USH2A: variants seen among roughly 807,000 people sequenced by gnomAD.
USH2A encodes the protein Usher syndrome 2A (autosomal recessive, mild).
In USH2A, 443 loss-of-function variants were observed where a neutral mutation model predicts 538.9. That is an observed-to-expected ratio of 0.82 (90% CI 0.76 to 0.89). The LOEUF (loss-of-function observed/expected upper bound fraction) is 0.89. Ranked by LOEUF, USH2A falls within the 40% of genes least tolerant of loss-of-function variation. The pLI, the probability that USH2A is intolerant of heterozygous loss-of-function variation, is 0.00. For missense variants in USH2A, 6,633 were observed against 6,324.8 expected (o/e 1.05, Z -1.65); for synonymous variants, 2,413 against 2,273.5 (o/e 1.06, Z -1.75).
At chr1:216,207,220 T>G in intron 16 of USH2A, 53 bp downstream of exon 16, 1 of 1,603,310 alleles carries the variant, frequency 6.2e-7, no homozygotes, top group Non-Finnish European at 8.5e-7. Flanking sequence ...AGAACTTAAC[T>G]AATGTGTCAA....
chr1:216,196,587 G>T lies in USH2A; in HGVS notation c.4217C>A (p.Ser1406Ter), dbSNP rs1308702971. 1 of 1,613,546 alleles carries T rather than the reference G, an allele frequency of 6.2e-7. No homozygotes were observed. The highest frequency in any genetic ancestry group is 2.2e-5 in the East Asian group (1 of 44,776). Residue 1406 changes from serine (S) to a stop codon, truncating the protein, a stop_gained, in exon 19 of 72, where the codon TCA (serine) becomes TAA (stop). Transcript: ENST00000307340. LOFTEE classifies it high-confidence loss of function. Reference protein sequence around the residue: ...GYDINMLSEQSPQQSIPMAFS... With the variant: ...GYDINMLSEQ ...CGCCATGGGAATAGACTGTTGAGGT[G>T]ATTGTTCAGAAAGCATATTGATGTC...
Position 216,422,113 on chromosome 1 carries a change from C to T in USH2A, c.224G>A (p.Ser75Asn), listed in dbSNP as rs768424417. The change falls in exon 2 of 72, where the codon AGT becomes AAT. Residue 75 changes from serine to asparagine, a missense_variant. Transcript: ENST00000307340. ...TFCHSSAAAESIQFCTQRFCI... is the reference protein window; with the variant it reads ...TFCHSSAAAENIQFCTQRFCI... Reference sequence around the variant, plus strand: ...AAACCGCTGGGTACAGAACTGAATACTTTCAGCAGCAGCAGAGCTGTGACA... The same window carrying T: ...AAACCGCTGGGTACAGAACTGAATATTTTCAGCAGCAGCAGAGCTGTGACA... 1 of 1,613,820 alleles carries T rather than the reference C, an allele frequency of 6.2e-7. No individual in the cohort carries two copies.
chr1:216,371,272 T>G (rs998063535), intron 3 of USH2A, among the ~76,000 whole-genome samples: 1 of 152,212 alleles, frequency 6.6e-6, no homozygotes, highest in African/African-American at 2.4e-5. Context: ...CTCCTAAGTC[T>G]TCTTCAGGAT....
At chr1:216,222,410 C>T (rs1436352352) in intron 14 of USH2A, among the ~76,000 whole-genome samples, 1 of 152,190 alleles carries the variant, frequency 6.6e-6, no homozygotes, top group Admixed American at 6.5e-5. Context: ...TCTGGTAGAG[C>T]AGGTCATATT....
At position 215,998,802 on chromosome 1, in the gene USH2A, TGAGA is replaced by T. The variant is rs1398228652; in HGVS notation, c.6657+81_6657+84del. 7.0e-6 allele frequency: 10 copies of T among 1,432,978 alleles called. No individual in the cohort carries two copies. In the East Asian group the frequency reaches 9.5e-5, roughly 14 times the overall value. 88.8% of individuals were successfully genotyped at this position (1,432,978 alleles called of 1,614,324 possible). A position where few individuals can be genotyped will look rare whatever the true frequency, so the allele number is the denominator to read the frequency against. The stretch of plus-strand genomic sequence containing the variant: ...AGATTTTGACTTTTTTTTTTTTAAG[TGAGA>T]GAGAAAGAAAAGATGGACCACGGGA... On this transcript the variant is annotated intron_variant, in intron 34 of 71. Transcript: ENST00000307340.
intron 37 of USH2A, among the ~76,000 whole-genome samples, chr1:215,952,248 T>C (rs991925871): frequency 6.6e-6 from 1 of 152,206 alleles, no homozygotes; most frequent in Non-Finnish European, 1.5e-5. Context: ...TCTTCCTCCA[T>C]CCCTTTATTT....
chr1:215,968,930 C>A (rs551639736), intron 36 of USH2A, among the ~76,000 whole-genome samples: 1 of 152,168 alleles, frequency 6.6e-6, no homozygotes, highest in African/African-American at 2.4e-5. Context: ...AAGATTGATT[C>A]ATAGATTTCT....
At chr1:216,355,761 G>A (rs759574252) in intron 4 of USH2A, among the ~76,000 whole-genome samples, 12 of 152,052 alleles carry the variant, frequency 7.9e-5, no homozygotes, top group Non-Finnish European at 1.2e-4. Flanking sequence ...TAAAATATCT[G>A]CTACATAATG....
intron 11 of USH2A, among the ~76,000 whole-genome samples, chr1:216,267,104 A>G (rs1178976107): frequency 6.6e-6 from 1 of 152,072 alleles, no homozygotes; most frequent in Non-Finnish European, 1.5e-5. Context: ...CTCCAACAAT[A>G]AGTGTTCAAA....
intron 21 of USH2A, among the ~76,000 whole-genome samples, chr1:216,151,081 C>G (rs1023979943): frequency 6.6e-6 from 1 of 152,090 alleles, no homozygotes; most frequent in Non-Finnish European, 1.5e-5. Flanking sequence ...TATACCCAGC[C>G]CCGAAAATAA....
At chr1:215,920,295 T>C (rs1184727439) in intron 38 of USH2A, among the ~76,000 whole-genome samples, 1 of 152,062 alleles carries the variant, frequency 6.6e-6, no homozygotes, top group Non-Finnish European at 1.5e-5. Context: ...CCAAAGAGCA[T>C]CTTTGATCCT....
intron 11 of USH2A, among the ~76,000 whole-genome samples, chr1:216,268,573 T>G (rs1308554354): frequency 1.3e-5 from 2 of 152,106 alleles, no homozygotes; most frequent in Non-Finnish European, 2.9e-5. Context: ...TCTAAAGTAT[T>G]TGATGGATGT....
In USH2A at chr1:216,422,269, G is replaced by T. The variant is rs1161919436; in HGVS notation, c.68C>A (p.Ala23Asp). Residue 23 changes from alanine to aspartate, a missense_variant, in exon 2 of 72, where the codon GCC becomes GAC. Transcript: ENST00000307340. ...LFQVIEMLIF[A>D]YFASISLTES... ...AGTCAAGGATATTGAAGCAAAATAGGCAAAGATCAACATTTCAATGACCTG... is the reference window on the plus strand; with the variant it reads ...AGTCAAGGATATTGAAGCAAAATAGTCAAAGATCAACATTTCAATGACCTG... The T allele has an allele frequency of 6.2e-7, 1 of 1,613,672 alleles. No homozygotes were observed.
intron 34 of USH2A, among the ~76,000 whole-genome samples, chr1:215,996,601 G>T (rs1400087746): frequency 9.9e-5 from 9 of 90,506 alleles, no homozygotes; most frequent in East Asian, 3.2e-4. Context: ...TTTTTGCAGT[G>T]GAAAGAGTAT....
chr1:215,927,482 T>C (rs1666264605), intron 38 of USH2A, among the ~76,000 whole-genome samples: 1 of 152,172 alleles, frequency 6.6e-6, no homozygotes. Context: ...TATTTATGTG[T>C]TCTAAATTAA....
At chr1:216,130,300 C>T (rs1358116193) in intron 21 of USH2A, among the ~76,000 whole-genome samples, 1 of 151,220 alleles carries the variant, frequency 6.6e-6, no homozygotes, top group Non-Finnish European at 1.5e-5. Context: ...TCTTTTATCC[C>T]TCACTGCCTT....
intron 9 of USH2A, among the ~76,000 whole-genome samples, chr1:216,300,511 A>G (rs1282363585): frequency 6.6e-6 from 1 of 152,196 alleles, no homozygotes; most frequent in East Asian, 1.9e-4. Flanking sequence ...ATACTTTGAC[A>G]TGTTCAGGTA....
chr1:216,133,628 T>G (rs1236373872), intron 21 of USH2A, among the ~76,000 whole-genome samples: 2 of 152,058 alleles, frequency 1.3e-5, no homozygotes, highest in African/African-American at 4.8e-5. Context: ...GACATGGAAA[T>G]GTAAGGCCAT....
chr1:215,875,769 A>C (rs1664745506), intron 43 of USH2A, among the ~76,000 whole-genome samples: 1 of 150,904 alleles, frequency 6.6e-6, no homozygotes, highest in South Asian at 2.1e-4. Flanking sequence ...AGCACTTAAG[A>C]GTTCATAGGT....
Sources: gnomAD v4.1 joint callset for allele counts (sites outside exome capture counted in the v4.1 genomes callset) on GRCh38, gnomAD v4.1.1 for gene constraint, MANE v1.5 for transcripts, NCBI Gene and HGNC (gene_info 2026-07-23, HGNC 2026-07-21) for gene names.